The following LOC112694756 variants were observed in gnomAD, a reference collection of about 807,000 sequenced individuals.
At chr16:30,070,107 C>A in the LOC112694756 span, 1 of 1,613,990 alleles carries the variant, frequency 6.2e-7, no homozygotes, top group East Asian at 2.2e-5. Context: ...CCACCCCTCT[C>A]CCTGCTTAGG....
chr16:30,056,255 T>A, the LOC112694756 span, among the ~76,000 whole-genome samples: 1 of 145,982 alleles, frequency 6.9e-6, no homozygotes, highest in Non-Finnish European at 1.5e-5. Flanking sequence ...AATACAGGCG[T>A]GTGCCACCAC....
At chr16:30,064,133 G>T in the LOC112694756 span, 1 of 395,956 alleles carries the variant, frequency 2.5e-6, no homozygotes, top group Non-Finnish European at 4.5e-6. Context: ...GTTGGGCAGG[G>T]GGGTGGCGCT....
the LOC112694756 span, chr16:30,069,151 G>A: frequency 3.0e-6 from 4 of 1,325,680 alleles, no homozygotes; most frequent in South Asian, 4.9e-5. Context: ...GATGGTGGGT[G>A]GATCTGAGGC....
the LOC112694756 span, chr16:30,069,496 C>T: frequency 1.2e-6 from 2 of 1,614,130 alleles, no homozygotes. Context: ...TGCTCTGCTC[C>T]AGGTGCTGGC....
chr16:30,060,180 T>C, the LOC112694756 span, among the ~76,000 whole-genome samples: 1 of 152,118 alleles, frequency 6.6e-6, no homozygotes, highest in Non-Finnish European at 1.5e-5. Flanking sequence ...TGTTTCACCA[T>C]GTTGGCCAGG....
At chr16:30,055,193 G>C in the LOC112694756 span, 1 of 399,358 alleles carries the variant, frequency 2.5e-6, no homozygotes, top group South Asian at 1.3e-4. Context: ...CTGCGCGGAC[G>C]GTAGCTCCCC....
chr16:30,070,042 A>AG, the LOC112694756 span: 1 of 1,613,714 alleles, frequency 6.2e-7, no homozygotes, highest in Non-Finnish European at 8.5e-7. Context: ...AAGGATAGGC[A>AG]GGAGGTGGGC....
the LOC112694756 span, among the ~76,000 whole-genome samples, chr16:30,056,043 C>CAGAGCTGGGTATTTTTTAAA: frequency 1.3e-5 from 2 of 151,570 alleles, no homozygotes; most frequent in East Asian, 1.9e-4. Flanking sequence ...TCAAATGATC[C>CAGAGCTGGGTATTTTTTAAA]ACCCGCCTTG....
At chr16:30,066,216 C>G in the LOC112694756 span, 1 of 152,336 alleles carries the variant, frequency 6.6e-6, no homozygotes, top group African/African-American at 2.4e-5. Flanking sequence ...CCCCTTAGCC[C>G]TGGCGGGGAT....
chr16:30,053,490 C>G, the LOC112694756 span: 2 of 153,012 alleles, frequency 1.3e-5, no homozygotes, highest in African/African-American at 4.8e-5. Context: ...CTCTGCCCTT[C>G]CCCATGGACG....
At chr16:30,066,755 C>T in the LOC112694756 span, 3 of 1,009,792 alleles carry the variant, frequency 3.0e-6, no homozygotes, top group South Asian at 3.4e-5. Context: ...AGATCTGGCT[C>T]CGGGGTTGCT....
At chr16:30,059,753 G>C in the LOC112694756 span, among the ~76,000 whole-genome samples, 1 of 150,582 alleles carries the variant, frequency 6.6e-6, no homozygotes, top group Non-Finnish European at 1.5e-5. Flanking sequence ...AGTAGAGACA[G>C]GTTTTCACCA....
At chr16:30,066,872 G>A in the LOC112694756 span, 40 of 1,546,518 alleles carry the variant, frequency 2.6e-5, no homozygotes, top group Non-Finnish European at 3.4e-5. Context: ...CTCCGGTTCG[G>A]TTTTGTTTTC....
the LOC112694756 span, among the ~76,000 whole-genome samples, chr16:30,056,109 T>G: frequency 6.9e-6 from 1 of 145,306 alleles, no homozygotes; most frequent in Non-Finnish European, 1.5e-5. Flanking sequence ...GCCATGGTTT[T>G]TTTTTTTTTT....
chr16:30,067,763 C>T, the LOC112694756 span: 19 of 1,374,536 alleles, frequency 1.4e-5, no homozygotes, highest in Non-Finnish European at 2.0e-5. Flanking sequence ...GGCCTAGAGA[C>T]TTGCATGGAG....
the LOC112694756 span, among the ~76,000 whole-genome samples, chr16:30,062,080 G>T: frequency 6.6e-6 from 1 of 151,676 alleles, no homozygotes; most frequent in Non-Finnish European, 1.5e-5. Flanking sequence ...GCGGGCGCCT[G>T]TAATCCCAGC....
At chr16:30,066,941 A>C in the LOC112694756 span, 1 of 1,551,034 alleles carries the variant, frequency 6.4e-7, no homozygotes, top group Non-Finnish European at 8.7e-7. Flanking sequence ...AACATGACCC[A>C]CCTGTCCATG....
the LOC112694756 span, chr16:30,069,843 G>A: frequency 1.9e-6 from 3 of 1,614,024 alleles, no homozygotes; most frequent in Non-Finnish European, 2.5e-6. Flanking sequence ...TCACCTTCCT[G>A]TCTGGAGGCC....
At chr16:30,054,839 T>G in the LOC112694756 span, 1 of 399,356 alleles carries the variant, frequency 2.5e-6, no homozygotes, top group African/African-American at 2.1e-5. Flanking sequence ...CCTCCCCTGC[T>G]GCTCCCCATC....
Sources: gnomAD v4.1 joint callset for allele counts (sites outside exome capture counted in the v4.1 genomes callset) on GRCh38, gnomAD v4.1.1 for gene constraint, MANE v1.5 for transcripts.